Variants in PISD observed in about 807,000 individuals in gnomAD.
PISD encodes phosphatidylserine decarboxylase.
A neutral mutation model predicts 43.5 loss-of-function variants in PISD; 31 were observed. The observed-to-expected ratio is 0.71, with a 90% CI of 0.54 to 0.96. PISD has a LOEUF of 0.96. Ranked by LOEUF, PISD falls within the 40% of genes least tolerant of loss-of-function variation. The pLI is 0.00. For missense variants in PISD, 523 were observed against 548.4 expected (o/e 0.95, Z 0.46); for synonymous variants, 259 against 228.7 (o/e 1.13, Z -1.20).
chr22:31,622,120 T>A (rs2072619139), intron 3 of PISD, among the ~76,000 whole-genome samples: 1 of 152,230 alleles, frequency 6.6e-6, no homozygotes, highest in African/African-American at 2.4e-5. Context: ...TTTCATCATT[T>A]CATGCAAAAG....
chr22:31,628,162 C>A, intron 3 of PISD: 1 of 985,626 alleles, frequency 1.0e-6, no homozygotes, highest in Non-Finnish European at 1.2e-6. Context: ...GAAAATGAAT[C>A]CAGCTTTGCC....
chr22:31,659,962 T>C (rs759869573), intron 1 of PISD, among the ~76,000 whole-genome samples: 12 of 152,034 alleles, frequency 7.9e-5, no homozygotes, highest in Non-Finnish European at 1.6e-4. Context: ...CTAACAAGCA[T>C]CCCAGCCCAT....
intron 1 of PISD, among the ~76,000 whole-genome samples, chr22:31,654,546 G>T (rs1475865556): frequency 1.3e-5 from 2 of 152,096 alleles, no homozygotes; most frequent in African/African-American, 4.8e-5. Context: ...ATCTGCTCCT[G>T]CCCGAGTTCT....
chr22:31,662,172 G>C lies in PISD; in HGVS notation c.37C>G (p.Leu13Val). 1 of 1,606,752 alleles carries C rather than the reference G, an allele frequency of 6.2e-7. No individual in the cohort carries two copies. Among genetic ancestry groups the C allele is most frequent in the Non-Finnish European group, 8.5e-7 (1 of 1,179,838 alleles). The change falls in exon 1 of 8, where the codon CTG (leucine) becomes GTG (valine). Residue 13 changes from leucine to valine, a missense_variant. By Grantham distance (32) the Leu-to-Val change is conservative. Transcript: ENST00000439502. Reference sequence around the variant, plus strand: ...CTCCGCCACGGCGCGACCCCGTGCAGTAATCCCAGACATCGGTGCCCCACG... The same window carrying C: ...CTCCGCCACGGCGCGACCCCGTGCACTAATCCCAGACATCGGTGCCCCACG... ...TSVGHRCLGLLHGVAPWRSSL... is the reference protein window; with the variant it reads ...TSVGHRCLGLVHGVAPWRSSL...
intron 3 of PISD, among the ~76,000 whole-genome samples, chr22:31,644,043 G>A (rs979698390): frequency 4.7e-5 from 7 of 149,338 alleles, no homozygotes; most frequent in African/African-American, 7.4e-5. Context: ...GCGAGTCTCC[G>A]TCTCAAAAAA....
At chr22:31,641,058 T>C (rs1027460751) in intron 3 of PISD, among the ~76,000 whole-genome samples, 3 of 150,736 alleles carry the variant, frequency 2.0e-5, no homozygotes, top group African/African-American at 4.9e-5. Context: ...CGGCTAATTT[T>C]TTGTATTTAG....
At chr22:31,626,058 T>TCACCTGCTCAGGG in intron 3 of PISD, 1 of 1,417,722 alleles carries the variant, frequency 7.1e-7, no homozygotes, top group Admixed American at 2.9e-5. Flanking sequence ...CCTGCTCAGG[T>TCACCTGCTCAGGG]CACCTGCTCA....
At chr22:31,658,723 A>T (rs551589108) in intron 1 of PISD, among the ~76,000 whole-genome samples, 14 of 151,832 alleles carry the variant, frequency 9.2e-5, no homozygotes, top group African/African-American at 3.4e-4. Context: ...TGCGGAGAGG[A>T]GGTCTCACTA....
chr22:31,654,641 G>A (rs748820886), intron 1 of PISD, among the ~76,000 whole-genome samples: 1 of 152,178 alleles, frequency 6.6e-6, no homozygotes, highest in African/African-American at 2.4e-5. Flanking sequence ...CCAGCCTCCT[G>A]TGCAGCAAGG....
intron 3 of PISD, among the ~76,000 whole-genome samples, chr22:31,641,341 G>A (rs2073719843): frequency 6.6e-6 from 1 of 152,108 alleles, no homozygotes; most frequent in Non-Finnish European, 1.5e-5. Flanking sequence ...AGCCAAATAA[G>A]GGTGACCTGA....
chr22:31,659,865 C>T lies in PISD; in HGVS notation c.65+2279G>A, dbSNP rs139787205. Among the ~76,000 whole-genome samples, 33 of 152,092 alleles carry T rather than the reference C, an allele frequency of 2.2e-4. No homozygotes were observed. The East Asian group carries it at 4.6e-3, about 21-fold the overall frequency. On this transcript the variant is annotated intron_variant, in intron 1 of 7. Transcript: ENST00000439502. ...CCAAAGTGCTGGGATTACAGGCATG[C>T]GCCACCGTGCCCGGCTTTGTTTTTT...
chr22:31,621,805 C>G lies in PISD; in HGVS notation c.402G>C (p.Trp134Cys). The G allele has an allele frequency of 6.2e-7, 1 of 1,613,852 alleles. No homozygotes were observed. Among genetic ancestry groups the G allele is most frequent in the Non-Finnish European group, 8.5e-7 (1 of 1,180,036 alleles). The change falls in exon 4 of 8, where the codon TGG (tryptophan) becomes TGC (cysteine). Residue 134 changes from tryptophan to cysteine, a missense_variant. Coordinates refer to ENST00000439502, the MANE Select transcript of PISD (RefSeq NM_001326411.2). ...GRLNQVELPHWLRRPVYSLYI... is the reference protein window; with the variant it reads ...GRLNQVELPHCLRRPVYSLYI... ...ACAGGCTGTAGACGGGCCTGCGCAG[C>G]CAGTGTGGCAGCTCCACCTGATTGA...
At chr22:31,628,048 T>A (rs1304309998) in intron 3 of PISD, 2 of 985,368 alleles carry the variant, frequency 2.0e-6, no homozygotes, top group Admixed American at 1.2e-4. Flanking sequence ...CCCATTTAGA[T>A]CCTTGTCTTT....
chr22:31,642,842 C>T (rs2073775362), intron 3 of PISD, among the ~76,000 whole-genome samples: 1 of 150,122 alleles, frequency 6.7e-6, no homozygotes, highest in African/African-American at 2.5e-5. Flanking sequence ...GTGGCTCACA[C>T]CTGTAATCCC....
At chr22:31,628,852 C>T (rs1361372440) in intron 3 of PISD, 1 of 985,524 alleles carries the variant, frequency 1.0e-6, no homozygotes, top group Non-Finnish European at 1.2e-6. Context: ...CAACACCTCA[C>T]CTCTCTTTCC....
chr22:31,651,703 G>A (rs542629434), intron 1 of PISD, among the ~76,000 whole-genome samples: 2 of 152,136 alleles, frequency 1.3e-5, no homozygotes, highest in East Asian at 1.9e-4. Flanking sequence ...AGCTGAGATC[G>A]TGACATTGCA....
chr22:31,648,992 C>T (rs775847109), intron 2 of PISD, among the ~76,000 whole-genome samples: 2 of 152,066 alleles, frequency 1.3e-5, no homozygotes, highest in Admixed American at 6.6e-5. Flanking sequence ...TAATGCAGGC[C>T]CAATTTTGAT....
chr22:31,628,635 C>T (rs1749343923), intron 3 of PISD, among the ~76,000 whole-genome samples: 1 of 152,218 alleles, frequency 6.6e-6, no homozygotes, highest in Non-Finnish European at 1.5e-5. Context: ...GGCTGCCTTC[C>T]TCTACCTCTG....
upstream of PISD, chr22:31,662,219 C>G (rs757887180): frequency 8.7e-6 from 14 of 1,602,342 alleles, no homozygotes; most frequent in Non-Finnish European, 1.2e-5. Flanking sequence ...CTTGTCTGCT[C>G]CTTCTCAGCG....
Sources: gnomAD v4.1 joint callset for allele counts (sites outside exome capture counted in the v4.1 genomes callset) on GRCh38, gnomAD v4.1.1 for gene constraint, MANE v1.5 for transcripts, NCBI Gene and HGNC (gene_info 2026-07-23, HGNC 2026-07-21) for gene names.